Variants in PIAS2 observed in about 807,000 individuals in gnomAD.
PIAS2 encodes the protein protein inhibitor of activated STAT 2, also known as E3 SUMO-protein ligase PIAS2.
PIAS2 carries 19 observed loss-of-function variants against 69.7 expected under a neutral mutation model. The observed-to-expected ratio is 0.27, with a 90% CI of 0.19 to 0.40. The LOEUF (loss-of-function observed/expected upper bound fraction) is 0.40, where lower values mean the gene tolerates loss of function less well. Ranked by LOEUF, PIAS2 falls within the 10% of genes least tolerant of loss-of-function variation. The pLI is 1.00. For synonymous variants in PIAS2, 261 were observed against 263.2 expected (o/e 0.99, Z 0.08); for missense variants, 624 against 757.0 (o/e 0.82, Z 2.06).
At chr18:46,918,063 G>C (rs936153116), upstream of PIAS2, 2 of 151,602 alleles carry the variant, frequency 1.3e-5, no homozygotes, top group African/African-American at 4.9e-5. Context: ...AGTTGGGAGA[G>C]TTAGGCGGTG....
chr18:46,862,609 A>G (rs1323087205), intron 3 of PIAS2, among the ~76,000 whole-genome samples: 3 of 152,160 alleles, frequency 2.0e-5, no homozygotes, highest in Non-Finnish European at 4.4e-5. Context: ...TGTTAACACT[A>G]AAGGTGTGTG....
chr18:46,908,899 C>T (rs1466608934), intron 1 of PIAS2, among the ~76,000 whole-genome samples: 4 of 152,132 alleles, frequency 2.6e-5, no homozygotes, highest in African/African-American at 4.8e-5. Flanking sequence ...ATCCCAGCTA[C>T]TCAGAAGTCT....
chr18:46,807,366 TATATATATATATATA>T lies in PIAS2; in HGVS notation c.*5052_*5066del, dbSNP rs1267201765. The T allele has an allele frequency of 1.5e-4, 4 of 26,868 alleles. No individual in the cohort carries two copies. The highest frequency in any genetic ancestry group is 5.2e-4 in the East Asian group (1 of 1,918). 1.7% of individuals were successfully genotyped at this position (26,868 alleles called of 1,614,324 possible). ...AAACATGTCAGATTTTATATATATA[TATATATATATATATA>T]TATTTTTTTTTTTTTTTTTTTTTTT... On this transcript the variant is annotated 3_prime_UTR_variant, in exon 14 of 14. Coordinates refer to ENST00000585916, the MANE Select transcript of PIAS2 (RefSeq NM_004671.5).
chr18:46,866,803 G>A (rs2049546144), intron 2 of PIAS2, among the ~76,000 whole-genome samples: 1 of 152,088 alleles, frequency 6.6e-6, no homozygotes, highest in Non-Finnish European at 1.5e-5. Context: ...TCTCCCTAAA[G>A]ACCCTGATAA....
chr18:46,916,527 G>A (rs1419740267), intron 1 of PIAS2, among the ~76,000 whole-genome samples: 1 of 152,050 alleles, frequency 6.6e-6, no homozygotes, highest in African/African-American at 2.4e-5. Flanking sequence ...TTATCAGTCT[G>A]GGGGGAAAAA....
intron 2 of PIAS2, among the ~76,000 whole-genome samples, chr18:46,869,051 G>T (rs896485180): frequency 6.6e-6 from 1 of 152,246 alleles, no homozygotes; most frequent in African/African-American, 2.4e-5. Context: ...CTTGGAGCTT[G>T]AATGTGTGTG....
intron 6 of PIAS2, among the ~76,000 whole-genome samples, chr18:46,845,189 A>G (rs1426476905): frequency 1.3e-5 from 2 of 152,204 alleles, no homozygotes; most frequent in Non-Finnish European, 2.9e-5. Context: ...GAATCTTGCT[A>G]ACCAAAATCA....
rs1340644254 is a variant in PIAS2 at position 46,867,664 on chromosome 18, TCAA to T, written c.500-3419_500-3417del. 2.6e-5 allele frequency among the ~76,000 whole-genome samples: 4 copies of T among 152,224 alleles called. No individual in the cohort carries two copies. In the East Asian group the frequency reaches 7.7e-4, roughly 29 times the overall value. On this transcript the variant is annotated intron_variant, in intron 2 of 13. Transcript: ENST00000585916. Reference sequence around the variant, plus strand: ...TGGCTTTATTCAAACCTTTCCTTTTTCAACAACCCTTCATAATGTAGATTCTAT... The same window carrying T: ...TGGCTTTATTCAAACCTTTCCTTTTTCAACCCTTCATAATGTAGATTCTAT...
intron 7 of PIAS2, 31 bp downstream of exon 7, chr18:46,844,703 T>A (rs79873463): frequency 6.3e-5 from 51 of 804,292 alleles, no homozygotes; most frequent in Middle Eastern, 3.0e-4. Context: ...TTTTTTTTTT[T>A]AAATGCTTGG....
At position 46,842,282 on chromosome 18, in the gene PIAS2, A is replaced by C. The variant is rs199626361; in HGVS notation, c.1041+1772T>G. 4.4e-3 allele frequency among the ~76,000 whole-genome samples: 669 copies of C among 150,450 alleles called. 23 individuals are homozygous for C. In the East Asian group the frequency reaches 0.11, roughly 24 times the overall value. ...AAAAGGATATGTTATGAATGCAAAA[A>C]AAAAAAAAAAAATTTAAAAAGCCTG... On this transcript the variant is annotated intron_variant, in intron 8 of 13. Transcript: ENST00000585916.
chr18:46,886,762 G>A (rs1045397435), intron 2 of PIAS2, among the ~76,000 whole-genome samples: 3 of 151,978 alleles, frequency 2.0e-5, no homozygotes, highest in Admixed American at 1.3e-4. Context: ...GCTTGAACCC[G>A]GGGAAGTGGA....
intron 3 of PIAS2, among the ~76,000 whole-genome samples, chr18:46,858,531 T>C (rs976481047): frequency 3.9e-5 from 6 of 151,984 alleles, no homozygotes; most frequent in South Asian, 2.1e-4. Flanking sequence ...ACCCCATCTA[T>C]GCAAAAAATA....
chr18:46,827,105 C>T (rs1033264761), intron 11 of PIAS2: 1 of 152,084 alleles, frequency 6.6e-6, no homozygotes, highest in Non-Finnish European at 1.5e-5. Context: ...AAGATGGGTA[C>T]ATTTTATGCT....
chr18:46,841,645 A>C (rs2045403487), intron 8 of PIAS2, among the ~76,000 whole-genome samples: 1 of 152,214 alleles, frequency 6.6e-6, no homozygotes, highest in South Asian at 2.1e-4. Context: ...CTATAGCCCA[A>C]AGAGTAGCAT....
intron 1 of PIAS2, among the ~76,000 whole-genome samples, chr18:46,904,754 CAAAA>C (rs767029961): frequency 9.5e-6 from 1 of 104,908 alleles, no homozygotes; most frequent in Non-Finnish European, 2.0e-5. Context: ...CCATCCGTCT[CAAAA>C]AAAAAAAAAA....
chr18:46,869,688 TA>T (rs1344431536), intron 2 of PIAS2, among the ~76,000 whole-genome samples: 1 of 152,138 alleles, frequency 6.6e-6, no homozygotes, highest in Non-Finnish European at 1.5e-5. Flanking sequence ...GTGAAAGGAC[TA>T]AACATAATAA....
intron 2 of PIAS2, among the ~76,000 whole-genome samples, chr18:46,866,499 A>G (rs2049485632): frequency 6.6e-6 from 1 of 152,254 alleles, no homozygotes; most frequent in African/African-American, 2.4e-5. Flanking sequence ...GCAGACATGC[A>G]TTACAAGAAA....
At chr18:46,917,887 C>T (rs993508246), upstream of PIAS2, 3 of 152,268 alleles carry the variant, frequency 2.0e-5, no homozygotes, top group African/African-American at 7.2e-5. Flanking sequence ...AACCATCCCC[C>T]AGAGTAGTTG....
rs115980832 is a variant in PIAS2 at position 46,829,750 on chromosome 18, C to T, written c.1320G>A (p.Pro440=). The change falls in exon 10 of 14, where the codon CCG becomes CCA. Residue 440 remains proline (P), a synonymous_variant. Coordinates refer to ENST00000585916, the MANE Select transcript of PIAS2 (RefSeq NM_004671.5). ...KKEAMKVSSQ[P]CTKIESSSVL... is the part of the protein sequence containing the mutation. ...TACACATACTTTCTATTTTTGTACA[C>T]GGTTGGCTGGATACTTTCATAGCTT... The T allele has an allele frequency of 8.2e-5, 133 of 1,613,036 alleles. 1 individual carries two copies. The African/African-American group carries it at 1.3e-3, about 16-fold the overall frequency.
Sources: gnomAD v4.1 joint callset for allele counts (sites outside exome capture counted in the v4.1 genomes callset) on GRCh38, gnomAD v4.1.1 for gene constraint, MANE v1.5 for transcripts, NCBI Gene and HGNC (gene_info 2026-07-23, HGNC 2026-07-21) for gene names.